NXPE2: variants seen among roughly 807,000 people sequenced by gnomAD.
NXPE2 encodes the protein neurexophilin and PC-esterase domain family member 2.
A neutral mutation model predicts 34.4 loss-of-function variants in NXPE2; 34 were observed. The ratio of observed to expected loss-of-function variants is 0.99; its 90% CI spans 0.75 to 1.31. The LOEUF (loss-of-function observed/expected upper bound fraction) is 1.31, where lower values mean the gene tolerates loss of function less well. NXPE2 is among the 40% of genes most tolerant of loss of function. The pLI, the probability that NXPE2 is intolerant of heterozygous loss-of-function variation, is 0.00. For synonymous variants in NXPE2, 235 were observed against 231.3 expected (o/e 1.02, Z -0.15); for missense variants, 649 against 672.5 (o/e 0.97, Z 0.39).
At chr11:114,637,782 A>T in the NXPE2 span, among the ~76,000 whole-genome samples, 1 of 151,898 alleles carries the variant, frequency 6.6e-6, no homozygotes, top group African/African-American at 2.4e-5. Context: ...AAGAATGTTG[A>T]ATATTGGCCC....
the NXPE2 span, among the ~76,000 whole-genome samples, chr11:114,598,979 A>G: frequency 5.3e-5 from 8 of 152,106 alleles, no homozygotes; most frequent in Admixed American, 5.2e-4. Context: ...GAAAATGACC[A>G]TTTCTTTTTA....
the NXPE2 span, among the ~76,000 whole-genome samples, chr11:114,550,601 G>A: frequency 5.4e-3 from 829 of 152,232 alleles, 6 homozygotes; most frequent in African/African-American, 0.019. Flanking sequence ...TATAGACAAT[G>A]TAACTATACA....
chr11:114,581,605 G>C, the NXPE2 span: 1 of 783,900 alleles, frequency 1.3e-6, no homozygotes. Flanking sequence ...GCCAACCTTA[G>C]ATAAGCCAGA....
the NXPE2 span, among the ~76,000 whole-genome samples, chr11:114,754,848 G>A: frequency 6.6e-6 from 1 of 152,206 alleles, no homozygotes; most frequent in Non-Finnish European, 1.5e-5. Flanking sequence ...GTAAGAAATG[G>A]GTCCCAGGGA....
the NXPE2 span, chr11:114,594,676 C>G: frequency 6.3e-7 from 1 of 1,597,972 alleles, no homozygotes. Flanking sequence ...TTGTGGAGTT[C>G]TGGAAAACTG....
the NXPE2 span, among the ~76,000 whole-genome samples, chr11:114,540,791 G>C: frequency 7.0e-6 from 1 of 143,742 alleles, no homozygotes; most frequent in Admixed American, 7.2e-5. Flanking sequence ...GTGTTAGCCT[G>C]AGGGCAGTCT....
the NXPE2 span, among the ~76,000 whole-genome samples, chr11:114,481,369 A>G: frequency 7.6e-4 from 116 of 152,310 alleles, no homozygotes; most frequent in African/African-American, 2.7e-3. Context: ...TAAAACACAT[A>G]CGATAATTTA....
the NXPE2 span, among the ~76,000 whole-genome samples, chr11:114,616,879 C>A: frequency 6.6e-6 from 1 of 151,788 alleles, no homozygotes. Flanking sequence ...GACTGTTACC[C>A]GCTGGATACT....
chr11:114,720,544 T>C, the NXPE2 span, among the ~76,000 whole-genome samples: 151 of 152,326 alleles, frequency 9.9e-4, 1 homozygote, highest in South Asian at 4.1e-3. Flanking sequence ...CCACTTGCCA[T>C]GTGTGGCTGC....
chr11:114,663,678 T>C, the NXPE2 span, among the ~76,000 whole-genome samples: 233 of 146,032 alleles, frequency 1.6e-3, 1 homozygote, highest in African/African-American at 3.6e-3. Context: ...ATCTATCTAT[T>C]TATCTATCTA....
the NXPE2 span, among the ~76,000 whole-genome samples, chr11:114,775,229 A>G: frequency 6.6e-6 from 1 of 152,174 alleles, no homozygotes; most frequent in Non-Finnish European, 1.5e-5. Context: ...AGGCAGATCT[A>G]GGCCGTACGC....
At chr11:114,807,651 A>G in the NXPE2 span, among the ~76,000 whole-genome samples, 2 of 151,538 alleles carry the variant, frequency 1.3e-5, no homozygotes, top group African/African-American at 2.4e-5. Flanking sequence ...ACTGTCCTAA[A>G]TATATATGCA....
the NXPE2 span, chr11:114,528,651 T>G: frequency 2.2e-6 from 1 of 449,350 alleles, no homozygotes; most frequent in Non-Finnish European, 4.0e-6. Flanking sequence ...CTCCAATTGA[T>G]GAAAGATCAC....
the NXPE2 span, among the ~76,000 whole-genome samples, chr11:114,806,904 T>C: frequency 6.6e-6 from 1 of 151,942 alleles, no homozygotes; most frequent in Non-Finnish European, 1.5e-5. Flanking sequence ...TTCACCAAAG[T>C]TGAAATGAAG....
At chr11:114,506,112 T>TAAAAAAAAAAA in the NXPE2 span, among the ~76,000 whole-genome samples, 1 of 134,430 alleles carries the variant, frequency 7.4e-6, no homozygotes, top group Non-Finnish European at 1.6e-5. Context: ...CAAGAAATAT[T>TAAAAAAAAAAA]AAAAAAAAAA....
At chr11:114,586,667 C>T in the NXPE2 span, among the ~76,000 whole-genome samples, 3 of 152,088 alleles carry the variant, frequency 2.0e-5, no homozygotes, top group African/African-American at 4.8e-5. Context: ...AGGTTCCTTG[C>T]CAGGGAGACA....
the NXPE2 span, among the ~76,000 whole-genome samples, chr11:114,595,966 T>C: frequency 1.3e-5 from 2 of 152,158 alleles, no homozygotes; most frequent in African/African-American, 4.8e-5. Flanking sequence ...AAAAAGAGTG[T>C]TTGATAAATA....
chr11:114,523,007 G>T, the NXPE2 span: 1 of 1,613,590 alleles, frequency 6.2e-7, no homozygotes, highest in Non-Finnish European at 8.5e-7. Flanking sequence ...GCAAAATGTT[G>T]TTATCCATTT....
At chr11:114,472,077 T>G in the NXPE2 span, among the ~76,000 whole-genome samples, 1 of 152,326 alleles carries the variant, frequency 6.6e-6, no homozygotes, top group Middle Eastern at 3.4e-3. Context: ...TAAAAGGTGA[T>G]GCTAAACAAC....
Sources: allele counts gnomAD v4.1 joint callset (sites outside exome capture counted in the v4.1 genomes callset), GRCh38; gene constraint gnomAD v4.1.1; transcripts MANE v1.5; gene names NCBI Gene and HGNC (gene_info 2026-07-23, HGNC 2026-07-21).